The following ATG16L2 variants were observed in gnomAD, a reference collection of about 807,000 sequenced individuals.
ATG16L2 encodes protein Atg16l2.
Under a neutral mutation model 84.7 loss-of-function variants are expected in ATG16L2, and 77 were observed. The observed-to-expected ratio is 0.91, with a 90% CI of 0.76 to 1.10. The LOEUF (loss-of-function observed/expected upper bound fraction) is 1.10. Ranked by LOEUF, ATG16L2 falls within the 50% of genes least tolerant of loss-of-function variation. The pLI is 0.00. For synonymous variants in ATG16L2, 361 were observed against 342.8 expected (o/e 1.05, Z -0.59); for missense variants, 782 against 817.6 (o/e 0.96, Z 0.53).
chr11:72,824,074 C>T lies in ATG16L2; in HGVS notation c.839C>T (p.Thr280Ile), dbSNP rs1476042867. 5.0e-6 allele frequency: 8 copies of T among 1,614,104 alleles called. No homozygotes were observed. The highest frequency in any genetic ancestry group is 1.6e-4 in the Middle Eastern group (1 of 6,084). ...TTTTGTCTCAGGTCTGCCTCAGCCACCTCCCTGACGCTGTCCCACTGTGTG... is the reference window on the plus strand; with the variant it reads ...TTTTGTCTCAGGTCTGCCTCAGCCATCTCCCTGACGCTGTCCCACTGTGTG... The part of the protein sequence containing the change: ...WKRPFRSASA[T>I]SLTLSHCVDV... Residue 280 changes from threonine (T) to isoleucine (I), a missense_variant, in exon 8 of 18, where the codon ACC becomes ATC. Transcript: ENST00000321297.
chr11:72,841,479 G>A (rs1398304929), intron 5 of ATG16L2: 1 of 1,611,062 alleles, frequency 6.2e-7, no homozygotes, highest in African/African-American at 1.3e-5. Context: ...ACCGGGGAAA[G>A]TACAGGGAGC....
At chr11:72,828,064 A>ATAT (rs1860469157) in intron 14 of ATG16L2, among the ~76,000 whole-genome samples, 1 of 152,190 alleles carries the variant, frequency 6.6e-6, no homozygotes, top group African/African-American at 2.4e-5. Flanking sequence ...TCTCTCTCTC[A>ATAT]TATTTTTTAA....
At chr11:72,821,831 C>G in intron 4 of ATG16L2, 90 bp downstream of exon 4, 3 of 1,477,696 alleles carry the variant, frequency 2.0e-6, no homozygotes, top group Non-Finnish European at 9.0e-7. Flanking sequence ...TGGCGCGGGC[C>G]GAGATCTTTC....
chr11:72,822,169 A>C lies in ATG16L2; in HGVS notation c.518A>C (p.His173Pro). 6.7e-7 allele frequency: 1 copy of C among 1,493,360 alleles called. No individual in the cohort carries two copies. The highest frequency in any genetic ancestry group is 8.8e-7 in the Non-Finnish European group (1 of 1,132,042). 92.5% of individuals were successfully genotyped at this position (1,493,360 alleles called of 1,614,324 possible). Reference protein sequence around the residue: ...QRAAYEALRAHVGLREAALRR... With the variant: ...QRAAYEALRAPVGLREAALRR... ...GCAGCCTACGAGGCGCTGCGCGCGC[A>C]CGTCGGGCTCCGGGAGGCGGCACTG... The change falls in exon 5 of 18, where the codon CAC becomes CCC. Residue 173 changes from histidine (H) to proline (P), a missense_variant. Transcript: ENST00000321297. This position sits in a 1 kb window ranked among gnomAD's most constrained non-coding sequence, Gnocchi z 4.2.
intron 1 of ATG16L2, chr11:72,816,227 G>C (rs1278692729): frequency 6.5e-6 from 1 of 153,130 alleles, no homozygotes; most frequent in South Asian, 1.9e-4. Flanking sequence ...TGATCCGCCC[G>C]CCTCGGCCTC....
intron 8 of ATG16L2, 83 bp downstream of exon 8, chr11:72,824,205 C>A: frequency 6.6e-7 from 1 of 1,515,588 alleles, no homozygotes; most frequent in Non-Finnish European, 9.1e-7. Flanking sequence ...GTGCCTCGAC[C>A]TGTCCATCCC....
intron 3 of ATG16L2, chr11:72,818,910 G>C (rs896005146): frequency 6.6e-6 from 1 of 152,124 alleles, no homozygotes; most frequent in Non-Finnish European, 1.5e-5. Context: ...GCATAGGTAC[G>C]GACTCATTTG....
In ATG16L2 at chr11:72,826,705, G is replaced by A. The variant is rs753896391; in HGVS notation, c.1248G>A (p.Glu416=). 1 of 1,614,144 alleles carries A rather than the reference G, an allele frequency of 6.2e-7. No individual in the cohort carries two copies. Among genetic ancestry groups the A allele is most frequent in the Non-Finnish European group, 8.5e-7 (1 of 1,180,016 alleles). Residue 416 remains glutamate (E), a splice_region_variant and synonymous_variant, in exon 13 of 18, where the codon GAG becomes GAA. Coordinates refer to ENST00000321297, the MANE Select transcript of ATG16L2 (RefSeq NM_033388.2). ...LWKVGEAQSK[E]TLSGHKDKVT... ...CCGTACCTGGGGCCGGGGTACAGGAGACACTGTCTGGACACAAGGATAAGG... is the reference window on the plus strand; with the variant it reads ...CCGTACCTGGGGCCGGGGTACAGGAAACACTGTCTGGACACAAGGATAAGG...
Position 72,829,427 on chromosome 11 carries a change from C to T in ATG16L2, c.*37C>T, listed in dbSNP as rs750512820. On this transcript the variant is annotated 3_prime_UTR_variant, in exon 18 of 18. Coordinates refer to ENST00000321297, the MANE Select transcript of ATG16L2 (RefSeq NM_033388.2). The stretch of plus-strand genomic sequence containing the variant: ...GCCTGCCTGGGCTGGAGCTCTTGCC[C>T]GAAGCCTGAAGCTTCCTTCGGCGCC... 1.4e-5 allele frequency: 23 copies of T among 1,596,158 alleles called. No individual in the cohort carries two copies. The highest frequency in any genetic ancestry group is 1.0e-4 in the Admixed American group (6 of 59,204).
chr11:72,829,260 A>G (rs774107286), intron 17 of ATG16L2, 43 bp from the exon 18 acceptor site: 4 of 1,598,362 alleles, frequency 2.5e-6, no homozygotes, highest in Non-Finnish European at 3.4e-6. Flanking sequence ...TTGCAGGCGC[A>G]GTTCCTGAAG....
At chr11:72,821,215 AGCCTCCTGGTGTGG>A in intron 3 of ATG16L2, 1 of 990,940 alleles carries the variant, frequency 1.0e-6, no homozygotes, top group South Asian at 4.4e-5. Flanking sequence ...TGGCAGTACC[AGCCTCCTGGTGTGG>A]TGAGGATGGA....
chr11:72,836,556 C>T (rs1860733435), intron 5 of ATG16L2, among the ~76,000 whole-genome samples: 1 of 152,072 alleles, frequency 6.6e-6, no homozygotes, highest in South Asian at 2.1e-4. Flanking sequence ...ATCTCTAGTA[C>T]CCAGGATATT....
exon 6 of ATG16L2, chr11:72,843,507 A>G (rs1224216560): frequency 7.4e-6 from 12 of 1,613,576 alleles, no homozygotes; most frequent in South Asian, 1.1e-5. Context: ...ATGTTCCTCA[A>G]TGGTCAACTC....
At chr11:72,817,707 C>T (rs1168170697) in intron 2 of ATG16L2, 49 bp from the exon 3 acceptor site, 1 of 1,590,712 alleles carries the variant, frequency 6.3e-7, no homozygotes, top group Non-Finnish European at 8.6e-7. Flanking sequence ...TGCCTTTGGG[C>T]ACTTGGGTGA....
chr11:72,817,136 G>A (rs561499113), intron 2 of ATG16L2, among the ~76,000 whole-genome samples: 3 of 152,102 alleles, frequency 2.0e-5, no homozygotes, highest in East Asian at 3.9e-4. Flanking sequence ...CCATTTCCCT[G>A]TTCCTTGCCT....
At position 72,816,836 on chromosome 11, in the gene ATG16L2, A is replaced by T; in HGVS notation, c.218+9A>T. On this transcript the variant is annotated intron_variant, in intron 2 of 17. Transcript: ENST00000321297. ...ACCCACCAGGGCCCCTGGTAAGTGT[A>T]TGTGGGTCCGTGGTCACAAAGGGCT... The T allele has an allele frequency of 1.9e-6, 3 of 1,612,076 alleles. No homozygotes were observed. Among genetic ancestry groups the T allele is most frequent in the Middle Eastern group, 1.7e-4 (1 of 6,024 alleles).
intron 5 of ATG16L2, chr11:72,838,678 T>G (rs1860807558): frequency 1.2e-6 from 1 of 833,880 alleles, no homozygotes; most frequent in African/African-American, 1.7e-5. Flanking sequence ...TAATCCTCCT[T>G]GTTTTTTGCT....
Position 72,825,377 on chromosome 11 carries a change from C to T in ATG16L2, c.1072C>T (p.Arg358Cys), listed in dbSNP as rs768160673. ...CCTCCTGGCCACTGGAGGGGCTGAC[C>T]GCCTGATCCACCTCTGGAATGTTGT... ...SSLLATGGADRLIHLWNVVGS... is the reference protein window; with the variant it reads ...SSLLATGGADCLIHLWNVVGS... The change falls in exon 10 of 18, where the codon CGC becomes TGC. Residue 358 changes from arginine to cysteine, a missense_variant. Coordinates refer to ENST00000321297, the MANE Select transcript of ATG16L2 (RefSeq NM_033388.2). The T allele has an allele frequency of 6.8e-6, 11 of 1,612,922 alleles. No individual in the cohort carries two copies. Among genetic ancestry groups the T allele is most frequent in the South Asian group, 2.2e-5 (2 of 91,068 alleles).
intron 5 of ATG16L2, chr11:72,841,369 A>AAAAT: frequency 8.5e-7 from 1 of 1,169,948 alleles, no homozygotes; most frequent in Non-Finnish European, 1.2e-6. Flanking sequence ...AAAAAAGCAA[A>AAAAT]TGCAGTTTTT....
Sources: gnomAD v4.1 joint callset for allele counts (sites outside exome capture counted in the v4.1 genomes callset) on GRCh38, gnomAD v4.1.1 for gene constraint, Gnocchi (gnomAD v3.1) non-coding constraint, MANE v1.5 for transcripts, NCBI Gene and HGNC (gene_info 2026-07-23, HGNC 2026-07-21) for gene names.